Variants in TENM2 observed in about 807,000 individuals in gnomAD.
The protein encoded by TENM2 is teneurin-2.
Under a neutral mutation model 245.2 loss-of-function variants are expected in TENM2, and 52 were observed. The ratio of observed to expected loss-of-function variants is 0.21; its 90% CI spans 0.17 to 0.27. The LOEUF is 0.27. TENM2 is among the 10% of genes least tolerant of loss of function. The pLI, the probability that TENM2 is intolerant of heterozygous loss-of-function variation, is 1.00. For synonymous variants in TENM2, 1,363 were observed against 1,438.9 expected (o/e 0.95, Z 1.19); for missense variants, 3,046 against 3,666.8 (o/e 0.83, Z 4.37).
chr5:167,007,421 G>A, the TENM2 span, among the ~76,000 whole-genome samples: 3 of 152,156 alleles, frequency 2.0e-5, no homozygotes, highest in African/African-American at 7.2e-5. This position sits in a 1 kb window ranked among gnomAD's most constrained non-coding sequence, Gnocchi z 4.2. Flanking sequence ...ACTGGCTGTT[G>A]CTTACCTTAT....
At chr5:168,082,722 A>G (rs531185335) in intron 7 of TENM2, among the ~76,000 whole-genome samples, 1 of 152,332 alleles carries the variant, frequency 6.6e-6, no homozygotes, top group African/African-American at 2.4e-5. Context: ...GATCCACTCC[A>G]GACCCTGTTT....
the TENM2 span, among the ~76,000 whole-genome samples, chr5:167,130,361 T>A: frequency 6.6e-6 from 1 of 152,216 alleles, no homozygotes; most frequent in Non-Finnish European, 1.5e-5. Context: ...ACATATAGTG[T>A]TGACTATGTG....
At chr5:167,835,579 G>A (rs1191696282) in intron 2 of TENM2, among the ~76,000 whole-genome samples, 5 of 152,028 alleles carry the variant, frequency 3.3e-5, no homozygotes, top group African/African-American at 1.2e-4. Flanking sequence ...AGAACCAACT[G>A]GACAGAGTCC....
At chr5:167,770,164 G>A (rs372891042) in intron 2 of TENM2, among the ~76,000 whole-genome samples, 4 of 152,290 alleles carry the variant, frequency 2.6e-5, no homozygotes, top group Admixed American at 1.3e-4. Context: ...ATGAACAAAG[G>A]TAGGCACAGC....
intron 2 of TENM2, among the ~76,000 whole-genome samples, chr5:167,593,444 T>TC (rs1776007558): frequency 6.6e-6 from 1 of 152,208 alleles, no homozygotes; most frequent in Non-Finnish European, 1.5e-5. Flanking sequence ...ATTCTGCCTT[T>TC]CCCCTTGTTC....
chr5:168,257,346 G>A (rs2152713961), intron 27 of TENM2, among the ~76,000 whole-genome samples: 1 of 152,270 alleles, frequency 6.6e-6, no homozygotes, highest in East Asian at 1.9e-4. Flanking sequence ...GAAAAGAGGA[G>A]GGAGAGCAAG....
chr5:167,247,825 AT>A, the TENM2 span, among the ~76,000 whole-genome samples: 1 of 152,056 alleles, frequency 6.6e-6, no homozygotes, highest in African/African-American at 2.4e-5. Flanking sequence ...CCTCTAATGG[AT>A]TTTTTTTCTG....
chr5:167,141,465 A>G, the TENM2 span, among the ~76,000 whole-genome samples: 1 of 152,220 alleles, frequency 6.6e-6, no homozygotes, highest in Non-Finnish European at 1.5e-5. Context: ...TATATTAGCA[A>G]ACATATAACT....
chr5:167,866,265 G>T (rs1009297951), intron 2 of TENM2, among the ~76,000 whole-genome samples: 1 of 152,180 alleles, frequency 6.6e-6, no homozygotes, highest in African/African-American at 2.4e-5. Context: ...TTGGGAGACC[G>T]AGGCAGGCGG....
chr5:167,931,551 G>GAAAAA (rs368486009), intron 3 of TENM2, among the ~76,000 whole-genome samples: 2 of 110,334 alleles, frequency 1.8e-5, no homozygotes, highest in Admixed American at 8.9e-5. Flanking sequence ...AAACCCATTG[G>GAAAAA]AAAAAAAAAA....
At position 167,295,551 on chromosome 5, in the gene TENM2, T is replaced by C. The variant is rs372213889; in HGVS notation, c.226+10488T>C. 7.2e-5 allele frequency among the ~76,000 whole-genome samples: 11 copies of C among 152,312 alleles called. No individual in the cohort carries two copies. The East Asian group carries it at 2.1e-3, about 29-fold the overall frequency. On this transcript the variant is annotated intron_variant, in intron 1 of 28. Transcript: ENST00000518659. ...CAGCCTTACCATGCTTTACAATCTG[T>C]GTCCAGGAGTGGCACTGCCCCACCC...
chr5:167,176,250 G>A, the TENM2 span, among the ~76,000 whole-genome samples: 1 of 152,274 alleles, frequency 6.6e-6, no homozygotes, highest in African/African-American at 2.4e-5. Context: ...TCTTTTGTGT[G>A]TGTCCGAAAC....
the TENM2 span, among the ~76,000 whole-genome samples, chr5:167,212,062 G>A: frequency 5.0e-3 from 755 of 152,254 alleles, 7 homozygotes; most frequent in African/African-American, 0.017. Flanking sequence ...AGACATTGGT[G>A]TCTCATTGGA....
chr5:168,012,256 T>G (rs1367624758), intron 5 of TENM2, among the ~76,000 whole-genome samples: 1 of 152,184 alleles, frequency 6.6e-6, no homozygotes, highest in East Asian at 1.9e-4. Context: ...ATTCCTTAGC[T>G]AGTACTCCAT....
chr5:167,015,382 T>C, the TENM2 span, among the ~76,000 whole-genome samples: 3 of 152,222 alleles, frequency 2.0e-5, no homozygotes, highest in Non-Finnish European at 4.4e-5. Context: ...TGCCTAATGA[T>C]ATTTTAGCCT....
the TENM2 span, among the ~76,000 whole-genome samples, chr5:167,007,771 T>C: frequency 6.6e-6 from 1 of 152,186 alleles, no homozygotes; most frequent in African/African-American, 2.4e-5. This position sits in a 1 kb window ranked among gnomAD's most constrained non-coding sequence, Gnocchi z 4.2. Context: ...TAGTGCATAA[T>C]AAGCCACTGT....
chr5:167,747,370 T>A (rs956401217), intron 2 of TENM2, among the ~76,000 whole-genome samples: 7 of 152,188 alleles, frequency 4.6e-5, no homozygotes, highest in African/African-American at 7.2e-5. Context: ...AATTTCTCTA[T>A]CAAGGCTGGG....
chr5:167,892,161 T>C (rs1462401363), intron 3 of TENM2, among the ~76,000 whole-genome samples: 1 of 152,216 alleles, frequency 6.6e-6, no homozygotes, highest in Non-Finnish European at 1.5e-5. Flanking sequence ...AGAGAAGTGC[T>C]ACATTAAACG....
At chr5:167,629,906 G>A (rs551572299) in intron 2 of TENM2, among the ~76,000 whole-genome samples, 1 of 152,098 alleles carries the variant, frequency 6.6e-6, no homozygotes, top group South Asian at 2.1e-4. Context: ...AGGGGGGAAA[G>A]AGGAGGAAGA....
Sources: gnomAD v4.1 joint callset for allele counts (sites outside exome capture counted in the v4.1 genomes callset) on GRCh38, gnomAD v4.1.1 for gene constraint, Gnocchi (gnomAD v3.1) non-coding constraint, MANE v1.5 for transcripts, NCBI Gene and HGNC (gene_info 2026-07-23, HGNC 2026-07-21) for gene names.